DIPK2B: variants seen among roughly 807,000 people sequenced by gnomAD.
DIPK2B encodes divergent protein kinase domain 2B.
In DIPK2B, 15 loss-of-function variants were observed where a neutral mutation model predicts 22.2. The ratio of observed to expected loss-of-function variants is 0.68; its 90% CI spans 0.45 to 1.04. The LOEUF (loss-of-function observed/expected upper bound fraction) is 1.04. Among genes scored for constraint, DIPK2B ranks in the 50% least tolerant of loss-of-function variants. The probability of loss-of-function intolerance (pLI) is 0.00; values close to 1 mark genes in which losing one functional copy is unlikely to be tolerated. For synonymous variants in DIPK2B, 163 were observed against 153.2 expected (o/e 1.06, Z -0.47); for missense variants, 345 against 348.3 (o/e 0.99, Z 0.08).
chrX:45,200,713 A>G lies in DIPK2B; in HGVS notation c.114T>C (p.Ser38=), dbSNP rs1438938429. 4 of 1,212,196 alleles carry G rather than the reference A, an allele frequency of 3.3e-6. No homozygotes were observed. The highest frequency in any genetic ancestry group is 4.5e-6 in the Non-Finnish European group (4 of 895,547). The stretch of plus-strand genomic sequence containing the variant: ...TGGTTCTGACTTGGGGCACCAGAGA[A>G]GAAAGGGAAGAAGCTGGCAAGGAGA... ...CSFSLPASSL[S]SLVPQVRTSY... Residue 38 remains serine (S), a synonymous_variant, in exon 1 of 5, where the codon TCT becomes TCC. Coordinates refer to ENST00000398000, the MANE Select transcript of DIPK2B (RefSeq NM_176819.4).
intron 2 of DIPK2B, among the ~76,000 whole-genome samples, chrX:45,172,870 C>T (rs1603105550): frequency 8.9e-6 from 1 of 111,744 alleles, no homozygotes; most frequent in Admixed American, 9.5e-5. Context: ...CCAAGTGCTT[C>T]TGACAACTCA....
chrX:45,200,493 A>T, intron 1 of DIPK2B, 101 bp downstream of exon 1: 1 of 782,243 alleles, frequency 1.3e-6, no homozygotes, highest in South Asian at 2.6e-5. Context: ...TTCAGCTCCC[A>T]CCCATATTAC....
chrX:45,152,482 C>T (rs2046967138), intron 4 of DIPK2B, among the ~76,000 whole-genome samples: 1 of 111,676 alleles, frequency 9.0e-6, no homozygotes, highest in African/African-American at 3.3e-5. Context: ...CACTCTGCTA[C>T]AATAGAGTGA....
In DIPK2B at chrX:45,164,318, C is replaced by T. The variant is rs776549001; in HGVS notation, c.499-6430G>A. The T allele has an allele frequency of 6.7e-5, 74 of 1,100,851 alleles. 1 individual carries two copies. The highest frequency in any genetic ancestry group is 2.4e-4 in the Admixed American group (10 of 41,178). The allele number at this position is 1,100,851 out of a possible 1,213,427, so 90.7% of individuals were successfully genotyped here. A position where few individuals can be genotyped will look rare whatever the true frequency, so the allele number is the denominator to read the frequency against. On this transcript the variant is annotated intron_variant, in intron 2 of 4. Coordinates refer to ENST00000398000, the MANE Select transcript of DIPK2B (RefSeq NM_176819.4). ...TTGTGGAAAATGTGACATTAATTTT[C>T]GCAGCTCTGGCTGTTAAATGCAAAT...
At chrX:45,158,455 T>A (rs1302942163) in intron 2 of DIPK2B, among the ~76,000 whole-genome samples, 1 of 111,664 alleles carries the variant, frequency 9.0e-6, no homozygotes, top group Non-Finnish European at 1.9e-5. Flanking sequence ...TTCGATTCCT[T>A]CTGCCATCTG....
chrX:45,177,537 A>G (rs754941157), intron 2 of DIPK2B, among the ~76,000 whole-genome samples: 1 of 109,843 alleles, frequency 9.1e-6, no homozygotes, highest in Non-Finnish European at 1.9e-5. Context: ...GATCCCTGCT[A>G]CTGCCTCCCC....
chrX:45,194,803 CACAG>C (rs1473132674), intron 1 of DIPK2B, among the ~76,000 whole-genome samples: 2 of 112,346 alleles, frequency 1.8e-5, no homozygotes, highest in Admixed American at 1.9e-4. Context: ...TCTGAAGACT[CACAG>C]ACAATTAGTG....
chrX:45,158,392 C>T (rs746184455), intron 2 of DIPK2B, among the ~76,000 whole-genome samples: 4 of 111,179 alleles, frequency 3.6e-5, no homozygotes, highest in African/African-American at 1.3e-4. Flanking sequence ...CCCCACCCTG[C>T]CCTTGGAAAG....
chrX:45,152,021 C>G (rs1197749054), intron 4 of DIPK2B, 29 bp from the exon 5 acceptor site: 1 of 1,122,412 alleles, frequency 8.9e-7, no homozygotes, highest in Admixed American at 2.8e-5. Flanking sequence ...GTATTACACA[C>G]CCTGCCACCA....
At chrX:45,193,050 A>T (rs1327190908) in intron 1 of DIPK2B, among the ~76,000 whole-genome samples, 1 of 112,701 alleles carries the variant, frequency 8.9e-6, no homozygotes, top group Non-Finnish European at 1.9e-5. Context: ...AAGTGTTGGG[A>T]TTACAGGCGT....
intron 2 of DIPK2B, among the ~76,000 whole-genome samples, chrX:45,171,968 C>T (rs767375524): frequency 1.5e-3 from 173 of 112,088 alleles, no homozygotes; most frequent in African/African-American, 5.5e-3. Flanking sequence ...CCCCAACCCA[C>T]AATTCCTGAG....
chrX:45,161,971 G>C (rs1349829630), intron 2 of DIPK2B, among the ~76,000 whole-genome samples: 3 of 112,057 alleles, frequency 2.7e-5, no homozygotes, highest in African/African-American at 9.7e-5. Context: ...GTACAGGAGT[G>C]AAGATGCAAA....
chrX:45,200,555 G>C, intron 1 of DIPK2B, 39 bp downstream of exon 1: 1 of 1,142,977 alleles, frequency 8.7e-7, no homozygotes, highest in East Asian at 3.0e-5. Flanking sequence ...GAAGGGAACA[G>C]AATTTTGTGA....
chrX:45,164,290 G>A (rs1471102417), intron 2 of DIPK2B: 1 of 1,175,401 alleles, frequency 8.5e-7, no homozygotes, highest in African/African-American at 1.8e-5. Flanking sequence ...GGCTTCAAAA[G>A]ATTTGTGGAA....
intron 2 of DIPK2B, 38 bp from the exon 3 acceptor site, chrX:45,157,926 G>A: frequency 9.4e-7 from 1 of 1,069,256 alleles, no homozygotes; most frequent in African/African-American, 1.9e-5. Flanking sequence ...GAAGAAGGGG[G>A]CGGGGCGCTA....
At chrX:45,154,311 C>CTATCTA (rs1301345824) in intron 3 of DIPK2B, 113 bp from the exon 4 acceptor site, 1 of 628,850 alleles carries the variant, frequency 1.6e-6, no homozygotes, top group Non-Finnish European at 2.3e-6. Context: ...ATCTATCTAT[C>CTATCTA]TATCTATCTG....
At chrX:45,176,586 C>G (rs1325924022) in intron 2 of DIPK2B, among the ~76,000 whole-genome samples, 1 of 111,863 alleles carries the variant, frequency 8.9e-6, no homozygotes, top group Non-Finnish European at 1.9e-5. Context: ...GCTCTAGATG[C>G]AGGGTAAGCC....
intron 2 of DIPK2B, chrX:45,164,078 T>C (rs1386690195): frequency 2.9e-6 from 3 of 1,030,666 alleles, no homozygotes; most frequent in Non-Finnish European, 1.2e-6. Context: ...GAAGGTTTGA[T>C]GCAGAAGCCT....
intron 2 of DIPK2B, among the ~76,000 whole-genome samples, chrX:45,165,870 T>C (rs1225136276): frequency 1.8e-5 from 2 of 111,608 alleles, no homozygotes; most frequent in Non-Finnish European, 3.8e-5. Context: ...GCACGTCCTC[T>C]GCATTCAGTA....
Sources: allele counts gnomAD v4.1 joint callset (sites outside exome capture counted in the v4.1 genomes callset), GRCh38; gene constraint gnomAD v4.1.1; transcripts MANE v1.5; gene names NCBI Gene and HGNC (gene_info 2026-07-23, HGNC 2026-07-21).